Variants in FSTL5 observed in about 807,000 individuals in gnomAD.
FSTL5 encodes the protein follistatin-related protein 5.
FSTL5 carries 62 observed loss-of-function variants against 89.1 expected under a neutral mutation model. The observed-to-expected ratio is 0.70, with a 90% confidence interval of 0.57 to 0.86. The LOEUF is 0.86. FSTL5 is among the 40% of genes least tolerant of loss of function. The pLI is 0.00. For missense variants in FSTL5, 1,057 were observed against 1,001.6 expected, an observed-to-expected ratio of 1.06 and a Z score of -0.75; for synonymous variants, 383 against 346.2, an observed-to-expected ratio of 1.11 and a Z score of -1.18.
intron 15 of FSTL5, among the ~76,000 whole-genome samples, chr4:161,398,448 A>G (rs1299409104): frequency 6.6e-6 from 1 of 152,094 alleles, no homozygotes; most frequent in African/African-American, 2.4e-5. Flanking sequence ...GCTTCAGTAA[A>G]TAATCTGAGA....
chr4:161,854,138 C>T (rs1164627389), intron 4 of FSTL5, among the ~76,000 whole-genome samples: 1 of 152,018 alleles, frequency 6.6e-6, no homozygotes, highest in Non-Finnish European at 1.5e-5. Flanking sequence ...ATAGGACTGG[C>T]CAGGAGGAAC....
intron 4 of FSTL5, among the ~76,000 whole-genome samples, chr4:161,872,521 A>G (rs1328390104): frequency 6.6e-6 from 1 of 152,210 alleles, no homozygotes; most frequent in Non-Finnish European, 1.5e-5. Flanking sequence ...CTATATTGAT[A>G]GTATTCAACT....
At chr4:161,964,570 AG>A (rs1325955214) in intron 3 of FSTL5, among the ~76,000 whole-genome samples, 4 of 152,004 alleles carry the variant, frequency 2.6e-5, no homozygotes, top group Non-Finnish European at 5.9e-5. Context: ...TTAATATCAA[AG>A]GTTAACTATT....
intron 1 of FSTL5, among the ~76,000 whole-genome samples, chr4:162,150,335 G>A (rs1448307525): frequency 1.3e-5 from 2 of 152,154 alleles, no homozygotes; most frequent in Admixed American, 1.3e-4. Context: ...GTCTGAGGCA[G>A]TATGGGCTGT....
chr4:161,974,193 T>G (rs916346009), intron 3 of FSTL5, among the ~76,000 whole-genome samples: 26 of 152,202 alleles, frequency 1.7e-4, no homozygotes, highest in Non-Finnish European at 3.2e-4. Flanking sequence ...CCAAGGTAAT[T>G]TATAGATTCA....
intron 15 of FSTL5, among the ~76,000 whole-genome samples, chr4:161,450,059 C>A (rs1253165909): frequency 6.6e-6 from 1 of 152,134 alleles, no homozygotes; most frequent in African/African-American, 2.4e-5. Flanking sequence ...TCACTTTCAT[C>A]CCCCTTCTGC....
intron 3 of FSTL5, among the ~76,000 whole-genome samples, chr4:162,019,624 C>CA (rs1737013049): frequency 6.6e-6 from 1 of 151,842 alleles, no homozygotes. Flanking sequence ...CTCCTTCACT[C>CA]AGCACCTACT....
At chr4:161,966,390 A>G (rs1213089189) in intron 3 of FSTL5, among the ~76,000 whole-genome samples, 2 of 152,076 alleles carry the variant, frequency 1.3e-5, no homozygotes, top group African/African-American at 4.8e-5. Flanking sequence ...ATTTTCATGG[A>G]CACTTAAGGA....
intron 6 of FSTL5, among the ~76,000 whole-genome samples, chr4:161,675,157 T>A (rs190783503): frequency 2.0e-5 from 3 of 152,262 alleles, no homozygotes; most frequent in African/African-American, 4.8e-5. Context: ...CTAAAAAACG[T>A]AACAATTGAT....
chr4:162,057,978 G>A (rs568583326), intron 2 of FSTL5, among the ~76,000 whole-genome samples: 1 of 151,868 alleles, frequency 6.6e-6, no homozygotes, highest in South Asian at 2.1e-4. Flanking sequence ...ATAATTCTGG[G>A]GTACTGGACA....
At chr4:161,751,307 T>C (rs60830146) in intron 6 of FSTL5, among the ~76,000 whole-genome samples, 8,806 of 152,234 alleles carry the variant, frequency 0.058, 385 homozygotes, top group African/African-American at 0.12. Context: ...TAATTTACTA[T>C]GTTTAGGAGC....
chr4:161,632,579 C>A lies in FSTL5; in HGVS notation c.894+23749G>T, dbSNP rs28575710. ...ATGCAATTGTATTCTATTGATTATT[C>A]TTCTACAATTATAACTTGTGCATTT... On this transcript the variant is annotated intron_variant, in intron 7 of 15. Transcript: ENST00000306100. 4.4e-3 allele frequency among the ~76,000 whole-genome samples: 672 copies of A among 152,266 alleles called. 2 individuals carry two copies. Among genetic ancestry groups the A allele is most frequent in the African/African-American group, 0.015 (608 of 41,550 alleles).
chr4:161,561,174 T>G lies in FSTL5; in HGVS notation c.1016-18481A>C, dbSNP rs1421214593. Among the ~76,000 whole-genome samples, 10 of 149,932 alleles carry G rather than the reference T, an allele frequency of 6.7e-5. No individual in the cohort carries two copies. The Admixed American group carries it at 6.8e-4, about 10-fold the overall frequency. On this transcript the variant is annotated intron_variant, in intron 8 of 15. Transcript: ENST00000306100. ...CATTGACAGAAATGTTGTTGTGCAG[T>G]GCATAACTGTATTTTAGATGATAGA...
intron 4 of FSTL5, among the ~76,000 whole-genome samples, chr4:161,849,101 AT>A (rs1299911854): frequency 3.3e-5 from 5 of 152,166 alleles, no homozygotes; most frequent in Non-Finnish European, 5.9e-5. Context: ...CTACATAAAT[AT>A]TTTTACATGA....
At chr4:161,884,966 T>A (rs981869379) in intron 4 of FSTL5, among the ~76,000 whole-genome samples, 1 of 152,078 alleles carries the variant, frequency 6.6e-6, no homozygotes, top group Non-Finnish European at 1.5e-5. Context: ...TTTGAATAGT[T>A]CCTATTATTG....
intron 4 of FSTL5, among the ~76,000 whole-genome samples, chr4:161,812,174 T>A (rs936715000): frequency 6.6e-6 from 1 of 152,218 alleles, no homozygotes; most frequent in African/African-American, 2.4e-5. Flanking sequence ...ATTAGTTCTA[T>A]AAAATATTAA....
At chr4:161,702,310 C>T (rs535310456) in intron 6 of FSTL5, among the ~76,000 whole-genome samples, 16 of 152,204 alleles carry the variant, frequency 1.1e-4, no homozygotes, top group African/African-American at 3.4e-4. Flanking sequence ...TTGATAACGA[C>T]GTTTTAAAAT....
intron 6 of FSTL5, among the ~76,000 whole-genome samples, chr4:161,669,134 A>AAAAT (rs1385781287): frequency 6.7e-6 from 1 of 150,160 alleles, no homozygotes; most frequent in East Asian, 1.9e-4. Context: ...AAAATAAAAT[A>AAAAT]AAATAAAAGA....
intron 7 of FSTL5, among the ~76,000 whole-genome samples, chr4:161,607,179 G>A (rs1322869120): frequency 6.6e-6 from 1 of 152,108 alleles, no homozygotes; most frequent in African/African-American, 2.4e-5. Flanking sequence ...ATAAACAGCT[G>A]CAGAAAACTG....
Sources: gnomAD v4.1 joint callset for allele counts (sites outside exome capture counted in the v4.1 genomes callset) on GRCh38, gnomAD v4.1.1 for gene constraint, MANE v1.5 for transcripts, NCBI Gene and HGNC (gene_info 2026-07-23, HGNC 2026-07-21) for gene names.